The following FMO2 variants were observed in gnomAD, a reference collection of about 807,000 sequenced individuals.
FMO2 encodes flavin-containing monooxygenase 2.
In FMO2, 33 loss-of-function variants were observed where a neutral mutation model predicts 41.6. The ratio of observed to expected loss-of-function variants is 0.79; its 90% CI spans 0.60 to 1.06. The LOEUF (loss-of-function observed/expected upper bound fraction) is 1.06. FMO2 is among the 50% of genes least tolerant of loss of function. The probability of loss-of-function intolerance (pLI) is 0.00; values close to 1 mark genes in which losing one functional copy is unlikely to be tolerated. For missense variants in FMO2, 619 were observed against 632.9 expected, an observed-to-expected ratio of 0.98 and a Z score of 0.23; for synonymous variants, 214 against 219.6, an observed-to-expected ratio of 0.97 and a Z score of 0.23.
chr1:171,206,786 G>T (rs1213681013), intron 7 of FMO2, among the ~76,000 whole-genome samples: 3 of 152,168 alleles, frequency 2.0e-5, no homozygotes, highest in Non-Finnish European at 4.4e-5. Context: ...ACAGCCTCAG[G>T]GATGAAAGAG....
chr1:171,199,963 C>T lies in FMO2; in HGVS notation c.627+475C>T, dbSNP rs573753976. Among the ~76,000 whole-genome samples the T allele has an allele frequency of 5.3e-5, 8 of 151,922 alleles. No homozygotes were observed. The East Asian group carries it at 7.7e-4, about 15-fold the overall frequency. ...AACTCCTGAACTCAAGCAATCTGCC[C>T]GCCTCAGCCTCCCAAAGTGCTGGGA... On this transcript the variant is annotated intron_variant, in intron 5 of 8. Coordinates refer to ENST00000209929, the MANE Select transcript of FMO2 (RefSeq NM_001460.5).
intron 2 of FMO2, among the ~76,000 whole-genome samples, chr1:171,188,030 A>ATTTTTTTTTTT (rs67830022): frequency 2.0e-5 from 2 of 97,726 alleles, no homozygotes; most frequent in Non-Finnish European, 3.9e-5. Flanking sequence ...TTCAGCTGGA[A>ATTTTTTTTTTT]TTTTTTTTTT....
chr1:171,203,528 G>C (rs1485369105), intron 5 of FMO2, among the ~76,000 whole-genome samples: 1 of 152,074 alleles, frequency 6.6e-6, no homozygotes, highest in Non-Finnish European at 1.5e-5. Flanking sequence ...TAGGTGAGTG[G>C]AAAACATGAG....
At chr1:171,189,654 CTTTTCTTT>C (rs1265114112) in intron 2 of FMO2, among the ~76,000 whole-genome samples, 2 of 122,774 alleles carry the variant, frequency 1.6e-5, no homozygotes, top group East Asian at 2.5e-4. Flanking sequence ...CGTCTTTTTT[CTTTTCTTT>C]TTTTTTTTTT....
intron 5 of FMO2, among the ~76,000 whole-genome samples, chr1:171,200,954 T>G (rs994696720): frequency 2.0e-5 from 3 of 152,156 alleles, no homozygotes; most frequent in African/African-American, 7.2e-5. Flanking sequence ...CTAGACTACT[T>G]CACGTTGTCA....
intron 5 of FMO2, among the ~76,000 whole-genome samples, chr1:171,202,707 A>G (rs1049249794): frequency 6.6e-6 from 1 of 152,200 alleles, no homozygotes; most frequent in African/African-American, 2.4e-5. Context: ...GAAATAGTTC[A>G]CCCACAGTAG....
chr1:171,199,554 C>T (rs7542361), intron 5 of FMO2, 66 bp downstream of exon 5: 213,997 of 1,457,436 alleles, frequency 0.15, 16,346 homozygotes, highest in Middle Eastern at 0.16. Flanking sequence ...CTGGAGAACC[C>T]CAGCCATATA....
chr1:171,192,037 AAATAAT>A (rs990854692), intron 2 of FMO2, among the ~76,000 whole-genome samples: 1 of 151,984 alleles, frequency 6.6e-6, no homozygotes, highest in Non-Finnish European at 1.5e-5. Context: ...CCTGTCTCAA[AAATAAT>A]AATAATAATC....
rs1012185350 is a variant in FMO2, at chr1:171,196,429, G to A, written c.322-220G>A. On this transcript the variant is annotated intron_variant, in intron 3 of 8. Transcript: ENST00000209929. Reference sequence around the variant, plus strand: ...CTGGCCTTTCCCAATTCTATTTGTCGGGTTTCTTAACATTAGTGACTCCAT... The same window carrying A: ...CTGGCCTTTCCCAATTCTATTTGTCAGGTTTCTTAACATTAGTGACTCCAT... Among the ~76,000 whole-genome samples, 49 of 152,132 alleles carry A rather than the reference G, an allele frequency of 3.2e-4. No homozygotes were observed. Among genetic ancestry groups the A allele is most frequent in the Middle Eastern group, 3.4e-3 (1 of 294 alleles).
chr1:171,207,312 A>C (rs959936010), intron 7 of FMO2, among the ~76,000 whole-genome samples: 5 of 152,098 alleles, frequency 3.3e-5, no homozygotes, highest in Admixed American at 6.5e-5. Flanking sequence ...GCCTCCCTGG[A>C]GTCCATTTTC....
Position 171,211,477 on chromosome 1 carries a change from G to A in FMO2, c.*2332G>A, listed in dbSNP as rs1370696086. Among the ~76,000 whole-genome samples, 1 of 152,148 alleles carries A rather than the reference G, an allele frequency of 6.6e-6. No individual in the cohort carries two copies. The highest frequency in any genetic ancestry group is 2.4e-5 in the African/African-American group (1 of 41,432). On this transcript the variant is annotated 3_prime_UTR_variant, in exon 9 of 9. Transcript: ENST00000209929. ...ATGGTTGTTATCTTACTTCTACAGT[G>A]GAAGAGATTGAAAAGCATTTGTCAG...
At chr1:171,208,554 T>TC (rs1243568526) in intron 8 of FMO2, among the ~76,000 whole-genome samples, 3 of 152,200 alleles carry the variant, frequency 2.0e-5, no homozygotes, top group Non-Finnish European at 2.9e-5. Flanking sequence ...AAACAATGGT[T>TC]ACCAATCTTG....
chr1:171,208,767 C>T, intron 8 of FMO2, 27 bp from the exon 9 acceptor site: 1 of 1,609,730 alleles, frequency 6.2e-7, no homozygotes, highest in Non-Finnish European at 8.5e-7. Flanking sequence ...ATTCTGTGAA[C>T]ATTCCCTTTT....
chr1:171,208,851 G>A lies in FMO2; in HGVS notation c.1314G>A (p.Glu438=). 1 of 1,613,996 alleles carries A rather than the reference G, an allele frequency of 6.2e-7. No individual in the cohort carries two copies. Among genetic ancestry groups the A allele is most frequent in the Non-Finnish European group, 8.5e-7 (1 of 1,179,888 alleles). ...LQTNYVDYLD[E]LALEIGAKPD... ...CCAATTATGTTGACTACTTGGACGA[G>A]CTCGCCTTAGAGATAGGTGCGAAGC... is the stretch of plus-strand genomic sequence containing the variant. Residue 438 remains glutamate, a synonymous_variant, in exon 9 of 9, where the codon GAG becomes GAA. Transcript: ENST00000209929.
Position 171,202,825 on chromosome 1 carries a change from C to T in FMO2, c.628-1040C>T, listed in dbSNP as rs555443887. Among the ~76,000 whole-genome samples the T allele has an allele frequency of 5.9e-5, 9 of 152,226 alleles. 1 individual carries two copies. In the East Asian group the frequency reaches 1.2e-3, roughly 20 times the overall value. On this transcript the variant is annotated intron_variant, in intron 5 of 8. Transcript: ENST00000209929. Reference sequence around the variant, plus strand: ...TATCAAGTATAGCCTTAAACAAAAACTTATTGCATGGTATGTAAAAATTTA... The same window carrying T: ...TATCAAGTATAGCCTTAAACAAAAATTTATTGCATGGTATGTAAAAATTTA...
In FMO2 at chr1:171,193,413, G is replaced by T; in HGVS notation, c.211G>T (p.Asp71Tyr). The T allele has an allele frequency of 6.3e-7, 1 of 1,583,550 alleles. No individual in the cohort carries two copies. The highest frequency in any genetic ancestry group is 8.5e-7 in the Non-Finnish European group (1 of 1,172,396). ...CAGCAAAGAAATGTCCTGTTTCAGT[G>T]ACTTTCCAATGCCTGAAGATTTTCC... ...NTSKEMSCFS[D>Y]FPMPEDFPNF... Residue 71 changes from aspartate to tyrosine, a missense_variant, in exon 3 of 9, where the codon GAC (aspartate) becomes TAC (tyrosine). Asp to Tyr is a radical substitution (Grantham distance 160, BLOSUM62 -3). Transcript: ENST00000209929.
rs778511186 is a variant in FMO2 at position 171,207,742 on chromosome 1, G to A, written c.1208G>A (p.Arg403Lys). 6 of 1,610,774 alleles carry A rather than the reference G, an allele frequency of 3.7e-6. No homozygotes were observed. In the African/African-American group the frequency reaches 4.0e-5, roughly 11 times the overall value. ...FKGLCSLPSE[R>K]TMMMDIIKRN... ...GGCTTGTGTAGCCTGCCCTCAGAGA[G>A]AACTATGATGATGGACATTATCAAA... is the stretch of plus-strand genomic sequence containing the variant. The change falls in exon 8 of 9, where the codon AGA becomes AAA. Residue 403 changes from arginine to lysine, a missense_variant. Transcript: ENST00000209929.
chr1:171,185,948 TC>T, intron 2 of FMO2, 103 bp downstream of exon 2: 1 of 1,209,282 alleles, frequency 8.3e-7, no homozygotes, highest in Non-Finnish European at 1.2e-6. Context: ...ACAACTCTGA[TC>T]AGATTTTATT....
rs1325189228 is a variant in FMO2 at position 171,203,957 on chromosome 1, T to C, written c.720T>C (p.Arg240=). 1 of 1,613,816 alleles carries C rather than the reference T, an allele frequency of 6.2e-7. No homozygotes were observed. Among genetic ancestry groups the C allele is most frequent in the East Asian group, 2.2e-5 (1 of 44,858 alleles). The change falls in exon 6 of 9, where the codon CGT becomes CGC. Residue 240 remains arginine, a synonymous_variant. Coordinates refer to ENST00000209929, the MANE Select transcript of FMO2 (RefSeq NM_001460.5). ...PWDSVFHTRF[R]SMLRNVLPRT... ...ACTCAGTGTTCCACACCCGGTTTCG[T>C]TCTATGCTCCGCAATGTACTGCCAC...
Sources: gnomAD v4.1 joint callset for allele counts (sites outside exome capture counted in the v4.1 genomes callset) on GRCh38, gnomAD v4.1.1 for gene constraint, MANE v1.5 for transcripts, NCBI Gene and HGNC (gene_info 2026-07-23, HGNC 2026-07-21) for gene names.